The following KASH5 variants were observed in gnomAD, a reference collection of about 807,000 sequenced individuals.
KASH5 encodes KASH domain containing 5.
Under a neutral mutation model 84.2 loss-of-function variants are expected in KASH5, and 72 were observed. The ratio of observed to expected loss-of-function variants is 0.85; its 90% CI spans 0.71 to 1.04. The LOEUF is 1.04. KASH5 is among the 50% of genes least tolerant of loss of function. KASH5 has a pLI of 0.00. For missense variants in KASH5, 650 were observed against 701.0 expected, an observed-to-expected ratio of 0.93 and a Z score of 0.82; for synonymous variants, 260 against 279.1, an observed-to-expected ratio of 0.93 and a Z score of 0.68.
chr19:49,401,993 G>A lies in KASH5; in HGVS notation c.798+2486G>A, dbSNP rs1051363412. On this transcript the variant is annotated intron_variant, in intron 9 of 19. Transcript: ENST00000447857. Reference sequence around the variant, plus strand: ...GCAGTGGCTCACGCCTGTAATCCCAGCACTTTGGGAGGCCGAGGTGGGTGG... The same window carrying A: ...GCAGTGGCTCACGCCTGTAATCCCAACACTTTGGGAGGCCGAGGTGGGTGG... Among the ~76,000 whole-genome samples the A allele has an allele frequency of 5.9e-5, 9 of 152,036 alleles. No homozygotes were observed. The East Asian group carries it at 1.7e-3, about 29-fold the overall frequency.
intron 12 of KASH5, 56 bp downstream of exon 12, chr19:49,407,727 C>A: frequency 2.0e-6 from 3 of 1,536,634 alleles, no homozygotes; most frequent in East Asian, 2.4e-5. Context: ...CTTTTGCCAT[C>A]TCTGGGACTT....
intron 12 of KASH5, 107 bp from the exon 13 acceptor site, chr19:49,408,860 C>T: frequency 8.5e-7 from 1 of 1,178,886 alleles, no homozygotes; most frequent in East Asian, 2.6e-5. Flanking sequence ...CTGGGGAGCC[C>T]AAAGTAGTCA....
chr19:49,402,413 A>G (rs1029593393), intron 9 of KASH5, among the ~76,000 whole-genome samples: 9 of 149,690 alleles, frequency 6.0e-5, no homozygotes, highest in Non-Finnish European at 1.0e-4. Flanking sequence ...AAAAGTAAAT[A>G]AAAGAATGAA....
intron 16 of KASH5, among the ~76,000 whole-genome samples, chr19:49,413,643 C>T (rs550229889): frequency 6.6e-6 from 1 of 152,218 alleles, no homozygotes; most frequent in South Asian, 2.1e-4. Flanking sequence ...CCTCCCTCTG[C>T]GTCACCAGAG....
chr19:49,406,976 C>T lies in KASH5; in HGVS notation c.876+13C>T, dbSNP rs1345816632. On this transcript the variant is annotated intron_variant, in intron 10 of 19. Coordinates refer to ENST00000447857, the MANE Select transcript of KASH5 (RefSeq NM_144688.5). ...GGACACTTTGAAGGTGCCACTCCTT[C>T]CTAGTGCCTGACAACTTTCCACCAC... 1 of 1,574,980 alleles carries T rather than the reference C, an allele frequency of 6.3e-7. No individual in the cohort carries two copies. The highest frequency in any genetic ancestry group is 1.2e-5 in the South Asian group (1 of 85,678).
In KASH5 at chr19:49,416,082, G is replaced by C. The variant is rs1316675732; in HGVS notation, c.1375-933G>C. On this transcript the variant is annotated intron_variant, in intron 17 of 19. Transcript: ENST00000447857. This position sits in a 1 kb window ranked among gnomAD's most constrained non-coding sequence, Gnocchi z 5.4. The stretch of plus-strand genomic sequence containing the variant: ...GTGTTGGAATTAATCAGTGAATTTA[G>C]TGTGGTTGCTGGGTGAAAGATCAAA... Among the ~76,000 whole-genome samples, 1 of 152,230 alleles carries C rather than the reference G, an allele frequency of 6.6e-6. No individual in the cohort carries two copies. The highest frequency in any genetic ancestry group is 1.5e-5 in the Non-Finnish European group (1 of 68,046).
At chr19:49,404,945 C>T (rs763024542) in intron 9 of KASH5, among the ~76,000 whole-genome samples, 21 of 152,046 alleles carry the variant, frequency 1.4e-4, no homozygotes, top group Non-Finnish European at 3.1e-4. Flanking sequence ...GGAACAAGAG[C>T]GCAATCAGCC....
intron 2 of KASH5, among the ~76,000 whole-genome samples, chr19:49,394,274 G>A (rs1974101335): frequency 6.6e-6 from 1 of 152,186 alleles, no homozygotes; most frequent in Non-Finnish European, 1.5e-5. Flanking sequence ...TTCCTGGTTT[G>A]AAAGATGGGG....
At chr19:49,413,757 G>T (rs1327768257) in intron 16 of KASH5, among the ~76,000 whole-genome samples, 1 of 152,068 alleles carries the variant, frequency 6.6e-6, no homozygotes, top group African/African-American at 2.4e-5. Context: ...TGGAAAGCTG[G>T]GAGTGAGGAA....
intron 9 of KASH5, among the ~76,000 whole-genome samples, chr19:49,405,975 A>T (rs1974512786): frequency 6.6e-6 from 1 of 151,190 alleles, no homozygotes; most frequent in Admixed American, 6.6e-5. Context: ...AAAAAAAAAA[A>T]AAATTAGCTG....
rs1974383761 is a variant in KASH5, at chr19:49,402,228, C to A, written c.798+2721C>A. ...GTGTACTCCAGTCTGGGCGACAGAG[C>A]AAGACTCAGTCTCAAAAAAAAAAGG... On this transcript the variant is annotated intron_variant, in intron 9 of 19. Transcript: ENST00000447857. Among the ~76,000 whole-genome samples the A allele has an allele frequency of 1.3e-5, 2 of 149,158 alleles. 1 individual carries two copies. Among genetic ancestry groups the A allele is most frequent in the South Asian group, 4.3e-4 (2 of 4,664 alleles).
At position 49,395,994 on chromosome 19, in the gene KASH5, G is replaced by A. The variant is rs8102170; in HGVS notation, c.400+161G>A. On this transcript the variant is annotated intron_variant, in intron 5 of 19. Coordinates refer to ENST00000447857, the MANE Select transcript of KASH5 (RefSeq NM_144688.5). This position sits in a 1 kb window ranked among gnomAD's most constrained non-coding sequence, Gnocchi z 4.4. Reference sequence around the variant, plus strand: ...TCTAGGTCCTCCGTCCCTTCCTTCCGTGAGCTTTGGGTTTCTTTTCTTCAG... The same window carrying A: ...TCTAGGTCCTCCGTCCCTTCCTTCCATGAGCTTTGGGTTTCTTTTCTTCAG... 2.0e-4 allele frequency among the ~76,000 whole-genome samples: 31 copies of A among 152,194 alleles called. No individual in the cohort carries two copies. Among genetic ancestry groups the A allele is most frequent in the Middle Eastern group, 3.4e-3 (1 of 294 alleles).
rs761383901 is a variant in KASH5, at chr19:49,412,451, C to T, written c.1270-517C>T. 3.3e-5 allele frequency among the ~76,000 whole-genome samples: 5 copies of T among 152,094 alleles called. No individual in the cohort carries two copies. The highest frequency in any genetic ancestry group is 1.2e-4 in the African/African-American group (5 of 41,394). On this transcript the variant is annotated intron_variant, in intron 15 of 19. Transcript: ENST00000447857. The surrounding 1 kb of genome is among the most constrained non-coding windows in gnomAD (Gnocchi z 4.6). ...GCCTGGAAGAGTTGGGTGCACCATC[C>T]TGGAGCTCGAGGATTGCGTTTAGAA...
intron 12 of KASH5, among the ~76,000 whole-genome samples, chr19:49,407,908 C>G (rs1046944824): frequency 6.6e-6 from 1 of 152,052 alleles, no homozygotes; most frequent in Non-Finnish European, 1.5e-5. Context: ...TCTCACACAC[C>G]TCCTCTCCTT....
chr19:49,402,299 C>T (rs1013105288), intron 9 of KASH5, among the ~76,000 whole-genome samples: 4 of 151,910 alleles, frequency 2.6e-5, no homozygotes, highest in African/African-American at 4.8e-5. Flanking sequence ...CACCTGTAAT[C>T]CCAACACTTT....
At chr19:49,396,078 C>G (rs949746004) in intron 5 of KASH5, among the ~76,000 whole-genome samples, 2 of 152,026 alleles carry the variant, frequency 1.3e-5, no homozygotes, top group African/African-American at 2.4e-5. Context: ...CTACGAGGCC[C>G]CGCCTACCTC....
In KASH5 at chr19:49,417,279, G is replaced by T. The variant is rs1974939644; in HGVS notation, c.1547+13G>T. ...CACAGCGGCTCAGGTGTGCCCCCAG[G>T]CGTCTCCAGAAGGAAGGAGGTGGTC... On this transcript the variant is annotated intron_variant, in intron 19 of 19. Coordinates refer to ENST00000447857, the MANE Select transcript of KASH5 (RefSeq NM_144688.5). The surrounding 1 kb of genome is among the most constrained non-coding windows in gnomAD (Gnocchi z 5.2). 1 of 1,607,700 alleles carries T rather than the reference G, an allele frequency of 6.2e-7. No individual in the cohort carries two copies. The highest frequency in any genetic ancestry group is 2.2e-5 in the East Asian group (1 of 44,712).
chr19:49,409,803 G>T lies in KASH5; in HGVS notation c.1197G>T (p.Trp399Cys). The change falls in exon 15 of 20, where the codon TGG becomes TGT. Residue 399 changes from tryptophan to cysteine, a missense_variant. Physicochemically the swap from Trp to Cys is radical, Grantham distance 215 (BLOSUM62 -2). Coordinates refer to ENST00000447857, the MANE Select transcript of KASH5 (RefSeq NM_144688.5). ...TCTCCAACCCTCTGTGTGGGGTGTG[G>T]CAGTGGGAGGAAGTCATCCATGAGA... ...ADLSNPLCGVWQWEEVIHETS... is the reference protein window; with the variant it reads ...ADLSNPLCGVCQWEEVIHETS... 1.2e-6 allele frequency: 2 copies of T among 1,613,976 alleles called. No individual in the cohort carries two copies. Among genetic ancestry groups the T allele is most frequent in the Non-Finnish European group, 1.7e-6 (2 of 1,179,846 alleles).
intron 17 of KASH5, 183 bp downstream of exon 17, chr19:49,415,179 G>T (rs1974863104): frequency 3.0e-6 from 2 of 673,092 alleles, no homozygotes; most frequent in South Asian, 1.8e-5. Flanking sequence ...GGTGAGGTGG[G>T]GGGAGGCCTG....
Sources: allele counts gnomAD v4.1 joint callset (sites outside exome capture counted in the v4.1 genomes callset), GRCh38; gene constraint gnomAD v4.1.1; non-coding constraint Gnocchi (gnomAD v3.1); transcripts MANE v1.5; gene names NCBI Gene and HGNC (gene_info 2026-07-23, HGNC 2026-07-21).